Variants in OSBPL10 observed in about 807,000 individuals in gnomAD.
OSBPL10 encodes the protein oxysterol-binding protein-related protein 10.
A neutral mutation model predicts 81.7 loss-of-function variants in OSBPL10; 49 were observed. That is an observed-to-expected ratio of 0.60 (90% CI 0.48 to 0.76). The LOEUF is 0.76. OSBPL10 is among the 30% of genes least tolerant of loss of function. The pLI, the probability that OSBPL10 is intolerant of heterozygous loss-of-function variation, is 0.00. For synonymous variants in OSBPL10, 419 were observed against 383.6 expected (o/e 1.09, Z -1.08); for missense variants, 923 against 987.8 (o/e 0.93, Z 0.88).
chr3:31,900,960 T>C (rs553071838), intron 1 of OSBPL10, among the ~76,000 whole-genome samples: 174 of 152,346 alleles, frequency 1.1e-3, no homozygotes, highest in African/African-American at 4.0e-3. Context: ...AAAAATAAAT[T>C]TGATTAAGGG....
At chr3:31,802,849 C>G (rs554657076) in intron 4 of OSBPL10, among the ~76,000 whole-genome samples, 36 of 152,182 alleles carry the variant, frequency 2.4e-4, no homozygotes, top group African/African-American at 7.7e-4. Flanking sequence ...AGGGTTGACC[C>G]AGGATGGAAG....
chr3:32,008,176 C>CT (rs1559548470), intron 2 of OSBPL10, among the ~76,000 whole-genome samples: 4 of 127,176 alleles, frequency 3.1e-5, no homozygotes, highest in Admixed American at 7.5e-5. Context: ...ATGTTTTTAT[C>CT]ATTTTTTTTT....
chr3:31,743,126 C>T (rs1697408784), intron 5 of OSBPL10, among the ~76,000 whole-genome samples: 1 of 149,640 alleles, frequency 6.7e-6, no homozygotes, highest in African/African-American at 2.5e-5. Context: ...CTGCAACCTC[C>T]ACCTCCAGGG....
intron 4 of OSBPL10, among the ~76,000 whole-genome samples, chr3:31,761,662 CA>C (rs1358450922): frequency 1.5e-4 from 23 of 151,334 alleles, no homozygotes; most frequent in African/African-American, 5.6e-4. Context: ...ACTAAAAATA[CA>C]AAAATTAGCT....
In OSBPL10 at chr3:31,988,888, C is replaced by T. The variant is rs142087868; in HGVS notation, n.298+57603G>A. On this transcript the variant is annotated intron_variant and non_coding_transcript_variant, in intron 2 of 3. Transcript: ENST00000479173. ...AGCTTGACTACAACCCAGAGAGACA[C>T]TGAGCCAGGAACACCCAGCTGAAGT... 7.4e-4 allele frequency: 505 copies of T among 679,340 alleles called. 5 individuals are homozygous for T. The East Asian group carries it at 0.013, about 18-fold the overall frequency. The allele number at this position is 679,340 out of a possible 1,614,324, so 42.1% of individuals were successfully genotyped here.
intron 6 of OSBPL10, among the ~76,000 whole-genome samples, chr3:31,717,738 G>T (rs1168576568): frequency 6.6e-6 from 1 of 152,206 alleles, no homozygotes; most frequent in Admixed American, 6.5e-5. Context: ...AATGTGAAAT[G>T]ATACTCAGGA....
In OSBPL10 at chr3:31,981,218, G is replaced by A; in HGVS notation, c.-39C>T. On this transcript the variant is annotated 5_prime_UTR_variant, in exon 1 of 12. Coordinates refer to ENST00000396556, the MANE Select transcript of OSBPL10 (RefSeq NM_017784.5). This position sits in a 1 kb window ranked among gnomAD's most constrained non-coding sequence, Gnocchi z 4.5. ...CCGGGACGCGGGTGCCCGCCGCGGTGGCGGCCCCGGCACGGCGGCTGCTGC... is the reference window on the plus strand; with the variant it reads ...CCGGGACGCGGGTGCCCGCCGCGGTAGCGGCCCCGGCACGGCGGCTGCTGC... 2.2e-6 allele frequency: 3 copies of A among 1,354,006 alleles called. No homozygotes were observed. Among genetic ancestry groups the A allele is most frequent in the Non-Finnish European group, 2.8e-6 (3 of 1,061,228 alleles). The allele number at this position is 1,354,006 out of a possible 1,614,324, so 83.9% of individuals were successfully genotyped here. A position where few individuals can be genotyped will look rare whatever the true frequency, so the allele number is the denominator to read the frequency against.
intron 1 of OSBPL10, among the ~76,000 whole-genome samples, chr3:31,956,911 T>C (rs1463146027): frequency 6.6e-6 from 1 of 152,064 alleles, no homozygotes; most frequent in African/African-American, 2.4e-5. Flanking sequence ...GGTGGGCAGA[T>C]TGCTTGAGTC....
At chr3:31,960,562 G>A (rs79011069) in intron 1 of OSBPL10, among the ~76,000 whole-genome samples, 1 of 152,156 alleles carries the variant, frequency 6.6e-6, no homozygotes, top group African/African-American at 2.4e-5. Flanking sequence ...ATGGACACCA[G>A]AAGGTTGCAA....
intron 1 of OSBPL10, among the ~76,000 whole-genome samples, chr3:31,930,432 A>C (rs1033092021): frequency 3.9e-5 from 6 of 152,202 alleles, no homozygotes; most frequent in Non-Finnish European, 8.8e-5. Context: ...AAAAATGTAC[A>C]TACCTTTACA....
At chr3:31,809,531 T>G (rs899056022) in intron 4 of OSBPL10, among the ~76,000 whole-genome samples, 1 of 152,286 alleles carries the variant, frequency 6.6e-6, no homozygotes. Context: ...CGAATAAAAG[T>G]GCCAGTAGGG....
At chr3:31,865,305 G>C (rs905784800) in intron 3 of OSBPL10, among the ~76,000 whole-genome samples, 1 of 152,196 alleles carries the variant, frequency 6.6e-6, no homozygotes, top group African/African-American at 2.4e-5. Flanking sequence ...TGTGGCTACT[G>C]AGCACTTGAA....
At position 31,859,174 on chromosome 3, in the gene OSBPL10, TG is replaced by T. The variant is rs1391553792; in HGVS notation, c.537+17258del. ...CAGCCAGAAACCAGGTTTTTTTTTT[TG>T]TTGTTGTTTTTACCTAATTCCCTAC... On this transcript the variant is annotated intron_variant, in intron 3 of 11. Transcript: ENST00000396556. 1.9e-3 allele frequency among the ~76,000 whole-genome samples: 282 copies of T among 151,918 alleles called. 1 individual carries two copies. The highest frequency in any genetic ancestry group is 6.5e-3 in the African/African-American group (268 of 41,222).
chr3:31,848,253 T>G (rs1187659344), intron 3 of OSBPL10, among the ~76,000 whole-genome samples: 1 of 151,874 alleles, frequency 6.6e-6, no homozygotes, highest in Non-Finnish European at 1.5e-5. Flanking sequence ...CTGCCTTCCT[T>G]GACTCAGGCA....
intron 1 of OSBPL10, chr3:32,046,639 A>G (rs755545809): frequency 6.6e-5 from 10 of 152,180 alleles, no homozygotes; most frequent in Non-Finnish European, 1.3e-4. Context: ...CTTACTATAA[A>G]TCGTAAATGT....
intron 6 of OSBPL10, among the ~76,000 whole-genome samples, chr3:31,727,830 T>G (rs1034004785): frequency 2.0e-5 from 3 of 152,174 alleles, no homozygotes; most frequent in African/African-American, 7.2e-5. Context: ...ATCATGGGGA[T>G]GAAAAATTTA....
intron 3 of OSBPL10, among the ~76,000 whole-genome samples, chr3:31,869,393 G>A (rs1221040601): frequency 1.3e-5 from 2 of 152,026 alleles, no homozygotes; most frequent in African/African-American, 4.8e-5. Flanking sequence ...AAGTTTACGG[G>A]AACCCCCCAC....
intron 5 of OSBPL10, among the ~76,000 whole-genome samples, chr3:31,734,596 G>A (rs1283479646): frequency 6.6e-6 from 1 of 152,112 alleles, no homozygotes; most frequent in Admixed American, 6.5e-5. Context: ...AAATAAGCCA[G>A]GTGTGGTGAC....
intron 3 of OSBPL10, among the ~76,000 whole-genome samples, chr3:31,863,524 T>G (rs143216289): frequency 6.6e-6 from 1 of 152,360 alleles, no homozygotes; most frequent in Admixed American, 6.5e-5. Flanking sequence ...TGTGCCTCAG[T>G]GTCCTCACCT....
Sources: allele counts gnomAD v4.1 joint callset (sites outside exome capture counted in the v4.1 genomes callset), GRCh38; gene constraint gnomAD v4.1.1; non-coding constraint Gnocchi (gnomAD v3.1); transcripts MANE v1.5; gene names NCBI Gene and HGNC (gene_info 2026-07-23, HGNC 2026-07-21).